WWC2: variants seen among roughly 807,000 people sequenced by gnomAD.
WWC2 encodes the protein WW and C2 domain containing 2, also known as protein WWC2.
WWC2 carries 101 observed loss-of-function variants against 138.5 expected under a neutral mutation model. The observed-to-expected ratio is 0.73, with a 90% CI of 0.62 to 0.86. WWC2 has a LOEUF of 0.86. Ranked by LOEUF, WWC2 falls within the 40% of genes least tolerant of loss-of-function variation. The pLI is 0.00. For synonymous variants in WWC2, 558 were observed against 538.4 expected (o/e 1.04, Z -0.50); for missense variants, 1,420 against 1,419.4 (o/e 1.00, Z -0.01).
At chr4:183,304,391 T>C (rs1738959102) in intron 21 of WWC2, among the ~76,000 whole-genome samples, 1 of 152,252 alleles carries the variant, frequency 6.6e-6, no homozygotes, top group Middle Eastern at 3.4e-3. Flanking sequence ...CTCCACACTT[T>C]TGTTAGTTTT....
rs535186367 is a variant in WWC2 at position 183,319,488 on chromosome 4, C to T, written c.*3759C>T. Reference sequence around the variant, plus strand: ...CAAAAGCACAGTGAGATGACTAGAGCGGGACATCCTACCAAATCCAGTGTT... The same window carrying T: ...CAAAAGCACAGTGAGATGACTAGAGTGGGACATCCTACCAAATCCAGTGTT... On this transcript the variant is annotated 3_prime_UTR_variant, in exon 23 of 23. Coordinates refer to ENST00000403733, the MANE Select transcript of WWC2 (RefSeq NM_024949.6). The T allele has an allele frequency of 9.1e-6, 13 of 1,435,124 alleles. No homozygotes were observed. The highest frequency in any genetic ancestry group is 2.9e-5 in the African/African-American group (2 of 70,032). 88.9% of individuals were successfully genotyped at this position (1,435,124 alleles called of 1,614,324 possible). A position where few individuals can be genotyped will look rare whatever the true frequency, so the allele number is the denominator to read the frequency against.
At chr4:183,171,971 T>C (rs1561447256) in intron 1 of WWC2, among the ~76,000 whole-genome samples, 1 of 152,234 alleles carries the variant, frequency 6.6e-6, no homozygotes, top group Admixed American at 6.5e-5. Flanking sequence ...TTTTTATGAC[T>C]ATGTAAATAT....
At chr4:183,100,434 A>T (rs1052229408) in intron 1 of WWC2, among the ~76,000 whole-genome samples, 2 of 152,232 alleles carry the variant, frequency 1.3e-5, no homozygotes, top group African/African-American at 4.8e-5. Flanking sequence ...TACCCTTAAA[A>T]TTTCTTAGAA....
At position 183,265,103 on chromosome 4, in the gene WWC2, A is replaced by C. The variant is rs755756827; in HGVS notation, c.2035A>C (p.Lys679Gln). Residue 679 changes from lysine (K) to glutamine (Q), a missense_variant, in exon 12 of 23, where the codon AAA becomes CAA. Physicochemically the swap from Lys to Gln is moderately conservative, Grantham distance 53. Coordinates refer to ENST00000403733, the MANE Select transcript of WWC2 (RefSeq NM_024949.6). ...CAGTGGGGTCTATGAAGCTTTCGTG[A>C]AACAGTAAGGATTCAGCAGGGGCGC... Reference protein sequence around the residue: ...GDSGVYEAFVKQPSEMEDVTY... With the variant: ...GDSGVYEAFVQQPSEMEDVTY... 1.9e-6 allele frequency: 3 copies of C among 1,606,616 alleles called. No individual in the cohort carries two copies. In the South Asian group the frequency reaches 3.4e-5, roughly 18 times the overall value.
chr4:183,111,948 G>C (rs993374928), intron 1 of WWC2, among the ~76,000 whole-genome samples: 1 of 151,932 alleles, frequency 6.6e-6, no homozygotes, highest in Non-Finnish European at 1.5e-5. Context: ...TTCTCCCATC[G>C]TGGCCTCCCA....
At chr4:183,266,371 C>CA (rs1287386514) in intron 14 of WWC2, among the ~76,000 whole-genome samples, 2 of 152,160 alleles carry the variant, frequency 1.3e-5, no homozygotes, top group Non-Finnish European at 2.9e-5. Flanking sequence ...TTTTATCATG[C>CA]TACATGTAAG....
chr4:183,214,552 G>A (rs966353841), intron 4 of WWC2, among the ~76,000 whole-genome samples: 1 of 152,092 alleles, frequency 6.6e-6, no homozygotes, highest in African/African-American at 2.4e-5. Flanking sequence ...CAGCACTTTG[G>A]GAGGTCGAGG....
intron 9 of WWC2, among the ~76,000 whole-genome samples, chr4:183,254,676 C>T (rs1168502270): frequency 6.6e-6 from 1 of 152,196 alleles, no homozygotes; most frequent in Non-Finnish European, 1.5e-5. Flanking sequence ...GGGTCCAGGC[C>T]TTGATGGCAG....
At chr4:183,155,222 G>GAGAGAGAGTGAGTT (rs1554067869) in intron 1 of WWC2, among the ~76,000 whole-genome samples, 8 of 2,406 alleles carry the variant, frequency 3.3e-3, no homozygotes, top group Admixed American at 0.017. Context: ...GAGAGAGAGA[G>GAGAGAGAGTGAGTT]AGTTAGTTGA....
intron 22 of WWC2, 67 bp from the exon 23 acceptor site, chr4:183,315,596 G>A: frequency 1.5e-6 from 2 of 1,342,582 alleles, no homozygotes; most frequent in Non-Finnish European, 2.1e-6. Flanking sequence ...CTTGGGGACT[G>A]TTTTAATGGT....
chr4:183,163,354 A>G (rs1734015199), intron 1 of WWC2, among the ~76,000 whole-genome samples: 1 of 152,244 alleles, frequency 6.6e-6, no homozygotes. Context: ...CTGGAAGCTG[A>G]GAAATCTGTT....
intron 1 of WWC2, among the ~76,000 whole-genome samples, chr4:183,192,255 A>G (rs904095729): frequency 6.6e-6 from 1 of 152,208 alleles, no homozygotes; most frequent in African/African-American, 2.4e-5. Flanking sequence ...TTTAGGAGCT[A>G]GTTAAATTGC....
rs1401675505 is a variant in WWC2 at position 183,284,363 on chromosome 4, A to G, written c.3021A>G (p.Pro1007=). 4.3e-6 allele frequency: 7 copies of G among 1,613,178 alleles called. No homozygotes were observed. The African/African-American group carries it at 5.3e-5, about 12-fold the overall frequency. The part of the protein sequence containing the change: ...SVIVRSQTFS[P]GERNQYICRL... The stretch of plus-strand genomic sequence containing the variant: ...TAGTGCGCTCACAGACCTTTTCTCC[A>G]GGAGAGCGGAACCAGTACATCTGCA... Residue 1007 remains proline, a synonymous_variant, in exon 19 of 23, where the codon CCA becomes CCG. Coordinates refer to ENST00000403733, the MANE Select transcript of WWC2 (RefSeq NM_024949.6).
chr4:183,205,537 C>T lies in WWC2; in HGVS notation c.242-2416C>T, dbSNP rs368856813. On this transcript the variant is annotated intron_variant, in intron 2 of 22. Transcript: ENST00000403733. ...TATGTTGGTAACATTATAGTGGATG[C>T]TAGACATTATAAAGTTGGTTTTGTT... 4.2e-4 allele frequency among the ~76,000 whole-genome samples: 64 copies of T among 152,196 alleles called. 1 individual carries two copies. In the East Asian group the frequency reaches 8.7e-3, roughly 21 times the overall value.
intron 1 of WWC2, among the ~76,000 whole-genome samples, chr4:183,193,111 C>G (rs1735037230): frequency 6.6e-6 from 1 of 152,172 alleles, no homozygotes; most frequent in Non-Finnish European, 1.5e-5. Context: ...AAAAATTTGT[C>G]CTTCCTCTCA....
chr4:183,192,989 T>A (rs1429542322), intron 1 of WWC2, among the ~76,000 whole-genome samples: 1 of 152,084 alleles, frequency 6.6e-6, no homozygotes, highest in African/African-American at 2.4e-5. Flanking sequence ...TAAGAGAGAG[T>A]ATAAAGCAAT....
intron 1 of WWC2, among the ~76,000 whole-genome samples, chr4:183,164,289 T>TAC (rs1164079173): frequency 6.7e-3 from 2 of 300 alleles, no homozygotes; most frequent in African/African-American, 0.011. Flanking sequence ...TATATATATA[T>TAC]ATATATATAT....
intron 4 of WWC2, among the ~76,000 whole-genome samples, chr4:183,233,148 C>CTTTT (rs543576361): frequency 2.7e-4 from 23 of 84,772 alleles, no homozygotes; most frequent in Non-Finnish European, 3.9e-4. Flanking sequence ...CTTTTTAAAC[C>CTTTT]TTTTTTTTTT....
At position 183,237,819 on chromosome 4, in the gene WWC2, T is replaced by C. The variant is rs79512942; in HGVS notation, c.523-2364T>C. 1.2e-4 allele frequency among the ~76,000 whole-genome samples: 18 copies of C among 152,288 alleles called. 1 individual carries two copies. In the East Asian group the frequency reaches 3.3e-3, roughly 28 times the overall value. On this transcript the variant is annotated intron_variant, in intron 4 of 22. Transcript: ENST00000403733. ...GTCTTTGTCACGTTGTTCCTCATAG[T>C]GCCTGGTCTCCCTCTTGACATTTTT...
Sources: allele counts gnomAD v4.1 joint callset (sites outside exome capture counted in the v4.1 genomes callset), GRCh38; gene constraint gnomAD v4.1.1; transcripts MANE v1.5; gene names NCBI Gene and HGNC (gene_info 2026-07-23, HGNC 2026-07-21).